The following COL9A1 variants were observed in gnomAD, a reference collection of about 807,000 sequenced individuals.
COL9A1 encodes collagen type IX alpha 1 chain, also known as collagen alpha-1(IX) chain.
In COL9A1, 104 loss-of-function variants were observed where a neutral mutation model predicts 142.6. That is an observed-to-expected ratio of 0.73 (90% confidence interval 0.62 to 0.86). COL9A1 has a LOEUF of 0.86. COL9A1 is among the 40% of genes least tolerant of loss of function. The pLI, the probability that COL9A1 is intolerant of heterozygous loss-of-function variation, is 0.00. For synonymous variants in COL9A1, 466 were observed against 396.0 expected (o/e 1.18, Z -2.10); for missense variants, 1,210 against 1,176.6 (o/e 1.03, Z -0.42).
At position 70,302,940 on chromosome 6, in the gene COL9A1, T is replaced by C. The variant is rs1774128535; in HGVS notation, c.-16A>G. On this transcript the variant is annotated 5_prime_UTR_variant, in exon 1 of 38. Coordinates refer to ENST00000357250, the MANE Select transcript of COL9A1 (RefSeq NM_001851.6). ...AGGTCTTCATTTTCCCAGTTGATTT[T>C]CTTTGTTTGCCAACAGTCCCTATGA... The C allele has an allele frequency of 1.2e-6, 2 of 1,612,890 alleles. No individual in the cohort carries two copies. The highest frequency in any genetic ancestry group is 1.7e-6 in the Non-Finnish European group (2 of 1,179,844).
At chr6:70,223,296 A>C (rs1769003146) in intron 37 of COL9A1, among the ~76,000 whole-genome samples, 1 of 152,238 alleles carries the variant, frequency 6.6e-6, no homozygotes, top group Non-Finnish European at 1.5e-5. Flanking sequence ...AGCGCCTACT[A>C]TAGCCAGGAA....
chr6:70,276,782 T>C lies in COL9A1; in HGVS notation c.976-2010A>G, dbSNP rs572088732. Reference sequence around the variant, plus strand: ...CCAGGTGGCAGGATATTACACTTGTTCCTCCACAACATCTTTATATTCAGC... The same window carrying C: ...CCAGGTGGCAGGATATTACACTTGTCCCTCCACAACATCTTTATATTCAGC... On this transcript the variant is annotated intron_variant, in intron 10 of 37. Transcript: ENST00000357250. 1.1e-3 allele frequency among the ~76,000 whole-genome samples: 169 copies of C among 152,286 alleles called. 1 individual carries two copies. The highest frequency in any genetic ancestry group is 1.8e-3 in the Non-Finnish European group (120 of 68,014).
intron 7 of COL9A1, 100 bp downstream of exon 7, chr6:70,282,798 G>A (rs1379847367): frequency 1.9e-6 from 3 of 1,567,994 alleles, no homozygotes; most frequent in Non-Finnish European, 2.6e-6. Flanking sequence ...GAGAGCCCTG[G>A]GGATGCTCCG....
intron 10 of COL9A1, among the ~76,000 whole-genome samples, chr6:70,275,520 T>A (rs1367361846): frequency 8.5e-5 from 13 of 152,078 alleles, no homozygotes; most frequent in Admixed American, 8.5e-4. Flanking sequence ...CTAAAGCAGT[T>A]ATTAAATACA....
rs1188306411 is a variant in COL9A1 at position 70,300,013 on chromosome 6, A to C, written c.299+30T>G. 4 of 1,602,350 alleles carry C rather than the reference A, an allele frequency of 2.5e-6. No homozygotes were observed. The East Asian group carries it at 8.9e-5, about 36-fold the overall frequency. ...CATTTTTAATGCATTTGAGTCAGAT[A>C]ATTAGATTAAAATATTTTTGATAGA... On this transcript the variant is annotated intron_variant, in intron 4 of 37. Transcript: ENST00000357250.
intron 8 of COL9A1, 83 bp downstream of exon 8, chr6:70,281,307 A>T: frequency 7.1e-7 from 1 of 1,409,454 alleles, no homozygotes; most frequent in Admixed American, 2.2e-5. Flanking sequence ...TCTGAAAAAA[A>T]AAAAAACCCC....
intron 15 of COL9A1, 134 bp downstream of exon 15, chr6:70,270,180 A>C (rs1215717473): frequency 1.2e-6 from 1 of 811,140 alleles, no homozygotes; most frequent in Non-Finnish European, 2.1e-6. Flanking sequence ...CCTTGAGTGC[A>C]TGGAAAAATT....
chr6:70,240,612 T>TATA (rs1770189463), intron 32 of COL9A1, 77 bp downstream of exon 32: 4 of 960,566 alleles, frequency 4.2e-6, no homozygotes, highest in Non-Finnish European at 6.6e-6. Flanking sequence ...TTGAACTGTG[T>TATA]TAGAAGTATA....
chr6:70,245,207 T>A (rs2127568964), intron 28 of COL9A1, among the ~76,000 whole-genome samples: 1 of 152,340 alleles, frequency 6.6e-6, no homozygotes, highest in East Asian at 1.9e-4. Flanking sequence ...GATTTCTTTG[T>A]CTTCTAAGAA....
At chr6:70,271,982 G>A (rs1186006692) in intron 13 of COL9A1, 83 bp downstream of exon 13, 10 of 1,369,708 alleles carry the variant, frequency 7.3e-6, no homozygotes, top group African/African-American at 1.4e-5. Context: ...TGAGTAGACC[G>A]TTAGTAGGAG....
At position 70,260,743 on chromosome 6, in the gene COL9A1, T is replaced by C. The variant is rs761741853; in HGVS notation, c.1396-33A>G. ...TGTGAAAAAGAGAAGTGAATTATTT[T>C]AGTTGAAGCAAAGATTTTTAAAAAT... On this transcript the variant is annotated intron_variant, in intron 19 of 37. Transcript: ENST00000357250. 1.2e-5 allele frequency: 19 copies of C among 1,608,814 alleles called. No individual in the cohort carries two copies. The African/African-American group carries it at 1.9e-4, about 16-fold the overall frequency.
chr6:70,226,857 T>C (rs117207028), intron 36 of COL9A1, among the ~76,000 whole-genome samples: 6,005 of 152,118 alleles, frequency 0.039, 161 homozygotes, highest in Non-Finnish European at 0.061. Context: ...GAAGTTTGTA[T>C]AGAAAAACAC....
At chr6:70,254,668 A>T (rs2127576510) in intron 24 of COL9A1, 139 bp from the exon 25 acceptor site, 1 of 778,628 alleles carries the variant, frequency 1.3e-6, no homozygotes, top group African/African-American at 1.7e-5. Flanking sequence ...AAAGTGACTT[A>T]ATTTAGGGTG....
In COL9A1 at chr6:70,260,548, C is replaced by CG; in HGVS notation, c.1449+108_1449+109insC. The CG allele has an allele frequency of 4.8e-6, 3 of 625,376 alleles. No individual in the cohort carries two copies. In the South Asian group the frequency reaches 5.2e-5, roughly 11 times the overall value. The allele number at this position is 625,376 out of a possible 1,614,324, so 38.7% of individuals were successfully genotyped here. A position where few individuals can be genotyped will look rare whatever the true frequency, so the allele number is the denominator to read the frequency against. On this transcript the variant is annotated intron_variant, in intron 20 of 37. Transcript: ENST00000357250. ...GGGCAACAAGAGTGAAACTCCATCTCAAAAAAAAAAAAAAAAAAGTTGTTG... is the reference window on the plus strand; with the variant it reads ...GGGCAACAAGAGTGAAACTCCATCTCGAAAAAAAAAAAAAAAAAAGTTGTTG...
At chr6:70,228,510 T>C (rs1046303814) in intron 36 of COL9A1, among the ~76,000 whole-genome samples, 5 of 152,122 alleles carry the variant, frequency 3.3e-5, no homozygotes, top group Non-Finnish European at 4.4e-5. Context: ...CCATTTTTTT[T>C]CCAAACATTT....
intron 4 of COL9A1, among the ~76,000 whole-genome samples, chr6:70,295,460 G>A (rs967347959): frequency 5.3e-5 from 8 of 151,398 alleles, no homozygotes; most frequent in African/African-American, 1.9e-4. Flanking sequence ...CTAATTTTTT[G>A]TATTTTTAGT....
intron 19 of COL9A1, among the ~76,000 whole-genome samples, chr6:70,262,390 C>T (rs1226199742): frequency 1.3e-5 from 2 of 152,180 alleles, no homozygotes; most frequent in African/African-American, 4.8e-5. Flanking sequence ...TTCCCTTACA[C>T]TTTAAATTCC....
chr6:70,281,349 C>A, intron 8 of COL9A1, 41 bp downstream of exon 8: 2 of 1,586,940 alleles, frequency 1.3e-6, no homozygotes, highest in Non-Finnish European at 1.7e-6. Context: ...TAGGAAAGGG[C>A]AGGACTGGGG....
At chr6:70,282,699 C>T (rs1383071418) in intron 7 of COL9A1, among the ~76,000 whole-genome samples, 199 bp downstream of exon 7, 1 of 152,094 alleles carries the variant, frequency 6.6e-6, no homozygotes, top group Admixed American at 6.5e-5. Context: ...TGGGGAGGAG[C>T]CCCCCTTCCT....
Sources: allele counts gnomAD v4.1 joint callset (sites outside exome capture counted in the v4.1 genomes callset), GRCh38; gene constraint gnomAD v4.1.1; transcripts MANE v1.5; gene names NCBI Gene and HGNC (gene_info 2026-07-23, HGNC 2026-07-21).